The following LCA5L variants were observed in gnomAD, a reference collection of about 807,000 sequenced individuals.
The protein encoded by LCA5L is lebercilin LCA5 like.
LCA5L carries 35 observed loss-of-function variants against 45.4 expected under a neutral mutation model. The ratio of observed to expected loss-of-function variants is 0.77; its 90% confidence interval spans 0.59 to 1.02. LCA5L has a LOEUF of 1.02. LCA5L is among the 50% of genes least tolerant of loss of function. LCA5L has a pLI of 0.00. For synonymous variants in LCA5L, 233 were observed against 264.7 expected (o/e 0.88, Z 1.16); for missense variants, 668 against 761.6 (o/e 0.88, Z 1.45).
intron 5 of LCA5L, among the ~76,000 whole-genome samples, chr21:39,426,702 G>A (rs1201569468): frequency 6.6e-6 from 1 of 152,222 alleles, no homozygotes; most frequent in African/African-American, 2.4e-5. Context: ...GGATATGAAA[G>A]ATGTTGGGTT....
rs2074542138 is a variant in LCA5L, at chr21:39,425,630, T to C, written c.323-2140A>G. ...CCGTACACTTTAATACTCTGGGCAC[T>C]GGCTAGGGAAGCTCTAGACCCAGGC... On this transcript the variant is annotated intron_variant, in intron 5 of 10. Coordinates refer to ENST00000288350, the MANE Select transcript of LCA5L (RefSeq NM_152505.4). Among the ~76,000 whole-genome samples the C allele has an allele frequency of 2.0e-5, 3 of 152,124 alleles. No homozygotes were observed. In the South Asian group the frequency reaches 6.2e-4, roughly 32 times the overall value.
chr21:39,431,325 A>G (rs2075689565), intron 3 of LCA5L, among the ~76,000 whole-genome samples: 1 of 152,144 alleles, frequency 6.6e-6, no homozygotes, highest in Non-Finnish European at 1.5e-5. Context: ...TGCTTGAAAA[A>G]TCAAAAATCT....
chr21:39,419,910 G>T (rs2041995804), intron 7 of LCA5L, among the ~76,000 whole-genome samples: 1 of 152,114 alleles, frequency 6.6e-6, no homozygotes, highest in South Asian at 2.1e-4. Flanking sequence ...TATTTTTAAA[G>T]CAGTATACAT....
chr21:39,419,437 A>G (rs994035523), intron 7 of LCA5L, among the ~76,000 whole-genome samples: 2 of 151,240 alleles, frequency 1.3e-5, no homozygotes, highest in African/African-American at 4.9e-5. Context: ...AGGTGGGAAG[A>G]TCACTTTAGC....
At chr21:39,407,100 G>C (rs2039197587) in intron 10 of LCA5L, among the ~76,000 whole-genome samples, 1 of 152,154 alleles carries the variant, frequency 6.6e-6, no homozygotes, top group Non-Finnish European at 1.5e-5. Context: ...GGTGGTGTCT[G>C]CCTGTAGTCT....
chr21:39,411,702 A>G lies in LCA5L; in HGVS notation c.1060+16T>C. Reference sequence around the variant, plus strand: ...TACTTAAAAATAGATTTTGAGCAAAAGTAATTAAAACATACCTTTTGGATA... The same window carrying G: ...TACTTAAAAATAGATTTTGAGCAAAGGTAATTAAAACATACCTTTTGGATA... On this transcript the variant is annotated intron_variant, in intron 8 of 10. Coordinates refer to ENST00000288350, the MANE Select transcript of LCA5L (RefSeq NM_152505.4). 2 of 1,291,230 alleles carry G rather than the reference A, an allele frequency of 1.5e-6. No individual in the cohort carries two copies. Among genetic ancestry groups the G allele is most frequent in the Non-Finnish European group, 1.1e-6 (1 of 928,062 alleles). The allele number at this position is 1,291,230 out of a possible 1,614,324, so 80.0% of individuals were successfully genotyped here.
At chr21:39,433,701 A>ATACTGTTC (rs2148097661) in intron 3 of LCA5L, among the ~76,000 whole-genome samples, 1 of 150,964 alleles carries the variant, frequency 6.6e-6, no homozygotes, top group South Asian at 2.1e-4. Flanking sequence ...TGTGCTCTCT[A>ATACTGTTC]TACTGTTCTA....
intron 7 of LCA5L, among the ~76,000 whole-genome samples, chr21:39,414,738 C>CTGTGTGTGTGTG (rs763309098): frequency 0.015 from 1,598 of 107,042 alleles, 15 homozygotes; most frequent in Middle Eastern, 0.026. Flanking sequence ...CTCTCTCTCT[C>CTGTGTGTGTGTG]TCTCTGTGTG....
intron 2 of LCA5L, among the ~76,000 whole-genome samples, chr21:39,441,000 T>G (rs529894435): frequency 6.6e-6 from 1 of 152,324 alleles, no homozygotes; most frequent in African/African-American, 2.4e-5. Flanking sequence ...TTCAGAAATT[T>G]TGCGAGTCAC....
chr21:39,426,910 G>A (rs200030333), intron 5 of LCA5L, among the ~76,000 whole-genome samples: 1 of 152,304 alleles, frequency 6.6e-6, no homozygotes, highest in East Asian at 1.9e-4. Flanking sequence ...TCTGATGAAA[G>A]GTACAGGGCC....
intron 10 of LCA5L, chr21:39,407,728 A>C (rs1229461838): frequency 6.6e-6 from 1 of 152,252 alleles, no homozygotes; most frequent in Non-Finnish European, 1.5e-5. Context: ...TAATGCCTAG[A>C]ACAGTGTCAG....
intron 4 of LCA5L, 48 bp downstream of exon 4, chr21:39,429,083 T>C (rs1359465997): frequency 6.6e-6 from 1 of 152,246 alleles, no homozygotes; most frequent in Non-Finnish European, 1.5e-5. Context: ...ATTATGCTAC[T>C]GCACTAAGGA....
At chr21:39,430,320 C>T (rs553555694) in intron 3 of LCA5L, among the ~76,000 whole-genome samples, 1 of 152,348 alleles carries the variant, frequency 6.6e-6, no homozygotes, top group Non-Finnish European at 1.5e-5. Flanking sequence ...AAAGCCCCTC[C>T]TTCTTCCTCA....
intron 7 of LCA5L, among the ~76,000 whole-genome samples, chr21:39,417,886 C>T (rs2041540754): frequency 6.6e-6 from 1 of 152,166 alleles, no homozygotes; most frequent in Non-Finnish European, 1.5e-5. Context: ...CTGCCTCAGC[C>T]TCCCAAGTAG....
rs557273919 is a variant in LCA5L at position 39,424,955 on chromosome 21, A to C, written c.323-1465T>G. The stretch of plus-strand genomic sequence containing the variant: ...AGCTTGGGGATGTCCCTTGTCAATG[A>C]GCACACAGCTAGGAAGTGGTGAGAC... On this transcript the variant is annotated intron_variant, in intron 5 of 10. Transcript: ENST00000288350. 5.9e-5 allele frequency among the ~76,000 whole-genome samples: 9 copies of C among 152,354 alleles called. No individual in the cohort carries two copies. In the East Asian group the frequency reaches 1.7e-3, roughly 29 times the overall value.
chr21:39,415,214 C>T (rs1175490518), intron 7 of LCA5L, among the ~76,000 whole-genome samples: 1 of 152,118 alleles, frequency 6.6e-6, no homozygotes, highest in Non-Finnish European at 1.5e-5. Flanking sequence ...TTAAAAATAA[C>T]ATTTTCTGTC....
intron 7 of LCA5L, among the ~76,000 whole-genome samples, chr21:39,413,536 AATT>A (rs1329008030): frequency 6.6e-6 from 1 of 152,192 alleles, no homozygotes; most frequent in African/African-American, 2.4e-5. Context: ...TGAATCATAA[AATT>A]AGTTTATTAT....
intron 3 of LCA5L, among the ~76,000 whole-genome samples, chr21:39,431,073 C>G (rs918089174): frequency 1.3e-5 from 2 of 152,076 alleles, no homozygotes; most frequent in Non-Finnish European, 2.9e-5. Context: ...TAAGAATAAA[C>G]AAGACTATAA....
intron 7 of LCA5L, among the ~76,000 whole-genome samples, chr21:39,414,738 C>CTGTGTGTGTGTGTGTGTGTGTGTGTG (rs763309098): frequency 9.3e-6 from 1 of 107,374 alleles, no homozygotes; most frequent in African/African-American, 3.9e-5. Flanking sequence ...CTCTCTCTCT[C>CTGTGTGTGTGTGTGTGTGTGTGTGTG]TCTCTGTGTG....
Sources: gnomAD v4.1 joint callset for allele counts (sites outside exome capture counted in the v4.1 genomes callset) on GRCh38, gnomAD v4.1.1 for gene constraint, MANE v1.5 for transcripts, NCBI Gene and HGNC (gene_info 2026-07-23, HGNC 2026-07-21) for gene names.